PPFIA2: variants seen among roughly 807,000 people sequenced by gnomAD.
PPFIA2 encodes the protein liprin-alpha-2.
Under a neutral mutation model 175.5 loss-of-function variants are expected in PPFIA2, and 46 were observed. The ratio of observed to expected loss-of-function variants is 0.26; its 90% CI spans 0.21 to 0.34. The LOEUF (loss-of-function observed/expected upper bound fraction) is 0.34. PPFIA2 is among the 10% of genes least tolerant of loss of function. The pLI is 1.00. For synonymous variants in PPFIA2, 568 were observed against 511.4 expected (o/e 1.11, Z -1.49); for missense variants, 1,179 against 1,506.1 (o/e 0.78, Z 3.60).
chr12:81,293,304 C>T (rs2045544793), intron 24 of PPFIA2, among the ~76,000 whole-genome samples: 1 of 151,910 alleles, frequency 6.6e-6, no homozygotes, highest in Non-Finnish European at 1.5e-5. Flanking sequence ...TGTCGTCATG[C>T]ATGCCTTTTT....
intron 4 of PPFIA2, among the ~76,000 whole-genome samples, chr12:81,579,621 G>C (rs1224283364): frequency 6.6e-6 from 1 of 151,754 alleles, no homozygotes; most frequent in African/African-American, 2.4e-5. Context: ...ACATCAATTG[G>C]AGTTACAAAT....
At chr12:81,538,840 A>C (rs1257818170) in intron 4 of PPFIA2, among the ~76,000 whole-genome samples, 1 of 151,880 alleles carries the variant, frequency 6.6e-6, no homozygotes, top group Non-Finnish European at 1.5e-5. Flanking sequence ...TAAGACAGGT[A>C]GTCTGGAGGG....
intron 3 of PPFIA2, among the ~76,000 whole-genome samples, chr12:81,677,909 T>C (rs2072866367): frequency 6.6e-6 from 1 of 151,870 alleles, no homozygotes; most frequent in Admixed American, 6.6e-5. Flanking sequence ...GGGTTACTAA[T>C]GATTATATGA....
chr12:81,612,497 G>C (rs923524535), intron 4 of PPFIA2, among the ~76,000 whole-genome samples: 22 of 151,194 alleles, frequency 1.5e-4, no homozygotes, highest in African/African-American at 5.3e-4. Flanking sequence ...AGGATCCCAA[G>C]AAAAAGAAAA....
chr12:81,281,292 G>C lies in PPFIA2; in HGVS notation c.3177C>G (p.Leu1059=). 6.2e-7 allele frequency: 1 copy of C among 1,610,450 alleles called. No homozygotes were observed. Among genetic ancestry groups the C allele is most frequent in the South Asian group, 1.1e-5 (1 of 90,590 alleles). Residue 1059 remains leucine (L), a synonymous_variant, in exon 27 of 33, where the codon CTC becomes CTG. Coordinates refer to ENST00000549396, the MANE Select transcript of PPFIA2 (RefSeq NM_003625.5). The part of the protein sequence containing the change: ...RMLDHLTKKD[L]RVHLKMVDSF... The stretch of plus-strand genomic sequence containing the variant: ...TATCCACCATTTTTAAATGGACACG[G>C]AGATCTTTTTTTGTTAGGTGATCTA...
chr12:81,701,915 T>TAAAAAAAAAAAAAA (rs748051152), intron 3 of PPFIA2, among the ~76,000 whole-genome samples: 3 of 84,180 alleles, frequency 3.6e-5, no homozygotes, highest in Admixed American at 1.3e-4. Context: ...ATGGGAAGAC[T>TAAAAAAAAAAAAAA]AAAAAAAAAA....
Position 81,423,160 on chromosome 12 carries a change from T to G in PPFIA2, c.645+16812A>C, listed in dbSNP as rs183962483. 5.4e-4 allele frequency among the ~76,000 whole-genome samples: 82 copies of G among 152,210 alleles called. 1 individual carries two copies. The highest frequency in any genetic ancestry group is 1.9e-3 in the African/African-American group (81 of 41,550). ...CAACCCAAATATGTCCATGAACCAA[T>G]GCCTTCACAGATGAATTCTACCAAA... On this transcript the variant is annotated intron_variant, in intron 7 of 32. Coordinates refer to ENST00000549396, the MANE Select transcript of PPFIA2 (RefSeq NM_003625.5).
intron 4 of PPFIA2, among the ~76,000 whole-genome samples, chr12:81,591,731 G>C (rs1922399): frequency 0.71 from 107,330 of 152,026 alleles, 38,014 homozygotes; most frequent in East Asian, 0.78. Context: ...CAGAAGTCAA[G>C]AATTGAGGTT....
chr12:81,436,123 CA>C (rs1043021287), intron 7 of PPFIA2, among the ~76,000 whole-genome samples: 46 of 149,246 alleles, frequency 3.1e-4, no homozygotes, highest in African/African-American at 1.1e-3. Context: ...ATAAAGAATA[CA>C]AAAAAAATTG....
chr12:81,401,385 G>C (rs2042074517), intron 8 of PPFIA2, among the ~76,000 whole-genome samples: 1 of 152,174 alleles, frequency 6.6e-6, no homozygotes, highest in South Asian at 2.1e-4. Context: ...GAAACTCAGA[G>C]TCAGCGGTGT....
At chr12:81,449,353 C>T (rs1170354854) in intron 5 of PPFIA2, among the ~76,000 whole-genome samples, 1 of 152,090 alleles carries the variant, frequency 6.6e-6, no homozygotes, top group African/African-American at 2.4e-5. Context: ...AAAGAGGAGG[C>T]AGTTTTTCCT....
intron 4 of PPFIA2, among the ~76,000 whole-genome samples, chr12:81,620,964 T>G (rs1299081426): frequency 6.6e-6 from 1 of 152,218 alleles, no homozygotes; most frequent in Non-Finnish European, 1.5e-5. Flanking sequence ...TAAAGCTATA[T>G]GAATTGGTGT....
At chr12:81,681,991 T>C (rs1415103591) in intron 3 of PPFIA2, among the ~76,000 whole-genome samples, 1 of 152,036 alleles carries the variant, frequency 6.6e-6, no homozygotes, top group East Asian at 1.9e-4. Flanking sequence ...AAAAAGTCAC[T>C]TAATGTAATA....
At chr12:81,302,206 T>C (rs1326799200) in intron 22 of PPFIA2, 1 of 406,432 alleles carries the variant, frequency 2.5e-6, no homozygotes, top group Non-Finnish European at 4.9e-6. Flanking sequence ...GTACAACATT[T>C]TGTATTTTAA....
chr12:81,661,730 A>T (rs1301504607), intron 4 of PPFIA2, among the ~76,000 whole-genome samples: 1 of 152,154 alleles, frequency 6.6e-6, no homozygotes, highest in Non-Finnish European at 1.5e-5. Flanking sequence ...CTCCACCCCA[A>T]ATAAACAGTT....
intron 4 of PPFIA2, among the ~76,000 whole-genome samples, chr12:81,604,541 A>G (rs1038586438): frequency 6.6e-5 from 10 of 151,734 alleles, no homozygotes; most frequent in Admixed American, 6.6e-4. Context: ...TTGTGAAGAA[A>G]CTTCATTCTT....
intron 7 of PPFIA2, among the ~76,000 whole-genome samples, chr12:81,436,582 T>A (rs993195010): frequency 2.0e-5 from 3 of 152,146 alleles, no homozygotes; most frequent in African/African-American, 4.8e-5. Context: ...TCTAAATATA[T>A]CTTCTTATCA....
chr12:81,404,213 A>T lies in PPFIA2; in HGVS notation c.762+1574T>A, dbSNP rs188348551. On this transcript the variant is annotated intron_variant, in intron 8 of 32. Coordinates refer to ENST00000549396, the MANE Select transcript of PPFIA2 (RefSeq NM_003625.5). ...AAATAACCTGTTAGGGGATAAAAAA[A>T]ATCTGAAGTTGTTCATGTCTGAGAA... Among the ~76,000 whole-genome samples, 45 of 152,326 alleles carry T rather than the reference A, an allele frequency of 3.0e-4. 2 individuals carry two copies. The highest frequency in any genetic ancestry group is 2.9e-3 in the Admixed American group (45 of 15,290).
intron 4 of PPFIA2, among the ~76,000 whole-genome samples, chr12:81,500,648 T>G (rs1429091633): frequency 6.6e-6 from 1 of 152,196 alleles, no homozygotes; most frequent in African/African-American, 2.4e-5. Context: ...TAACTTAAAT[T>G]AATACAATCA....
Sources: allele counts gnomAD v4.1 joint callset (sites outside exome capture counted in the v4.1 genomes callset), GRCh38; gene constraint gnomAD v4.1.1; transcripts MANE v1.5; gene names NCBI Gene and HGNC (gene_info 2026-07-23, HGNC 2026-07-21).